The following PGM2L1 variants were observed in gnomAD, a reference collection of about 807,000 sequenced individuals.
The protein encoded by PGM2L1 is phosphoglucomutase 2 like 1.
PGM2L1 carries 35 observed loss-of-function variants against 73.4 expected under a neutral mutation model. The observed-to-expected ratio is 0.48, with a 90% CI of 0.36 to 0.63. The LOEUF (loss-of-function observed/expected upper bound fraction) is 0.63. PGM2L1 is among the 30% of genes least tolerant of loss of function. The pLI is 0.00. For synonymous variants in PGM2L1, 225 were observed against 253.8 expected (o/e 0.89, Z 1.08); for missense variants, 570 against 742.0 (o/e 0.77, Z 2.69).
chr11:74,387,033 CAG>C (rs745332572), intron 1 of PGM2L1, among the ~76,000 whole-genome samples: 1 of 152,130 alleles, frequency 6.6e-6, no homozygotes, highest in Non-Finnish European at 1.5e-5. Flanking sequence ...AAAAAGAAGA[CAG>C]AGATCAATTT....
rs1009397557 is a variant in PGM2L1 at position 74,398,342 on chromosome 11, T to C, written c.-181A>G. ...CGTCAGGGAACCGGGAGAGAGGGGG[T>C]TTATGGCCGCCTGCTCCCCAGCGGA... On this transcript the variant is annotated 5_prime_UTR_variant, in exon 1 of 14. Coordinates refer to ENST00000298198, the MANE Select transcript of PGM2L1 (RefSeq NM_173582.6). 3.7e-5 allele frequency: 35 copies of C among 943,334 alleles called. No homozygotes were observed. Among genetic ancestry groups the C allele is most frequent in the Middle Eastern group, 7.3e-4 (2 of 2,742 alleles). 58.4% of individuals were successfully genotyped at this position (943,334 alleles called of 1,614,324 possible). A position where few individuals can be genotyped will look rare whatever the true frequency, so the allele number is the denominator to read the frequency against.
intron 5 of PGM2L1, among the ~76,000 whole-genome samples, chr11:74,364,538 G>A (rs1862622274): frequency 6.6e-6 from 1 of 152,066 alleles, no homozygotes; most frequent in South Asian, 2.1e-4. Context: ...AAATCAATGT[G>A]GAAAAATCAC....
At position 74,333,546 on chromosome 11, in the gene PGM2L1, C is replaced by T. The variant is rs1178731385; in HGVS notation, c.*3106G>A. The stretch of plus-strand genomic sequence containing the variant: ...GAGTTCTCACATGATTCTGATACAA[C>T]ATCCTAGCAGGAACTGAATCCGTAA... On this transcript the variant is annotated 3_prime_UTR_variant, in exon 14 of 14. Transcript: ENST00000298198. 1 of 152,172 alleles carries T rather than the reference C, an allele frequency of 6.6e-6. No homozygotes were observed. Among genetic ancestry groups the T allele is most frequent in the Admixed American group, 6.5e-5 (1 of 15,282 alleles). The allele number at this position is 152,172 out of a possible 1,614,324, so 9.4% of individuals were successfully genotyped here. A position where few individuals can be genotyped will look rare whatever the true frequency, so the allele number is the denominator to read the frequency against.
Position 74,343,354 on chromosome 11 carries a change from T to C in PGM2L1, c.1281A>G (p.Lys427=). ...ACTCTTCAAATGCAAAAAGGACTTC[T>C]TTCCCATTTTCCAGGAGGTCTATTA... ...SRIIDLLENG[K]EVLFAFEESI... The change falls in exon 10 of 14, where the codon AAA becomes AAG. Residue 427 remains lysine (K), a synonymous_variant. Coordinates refer to ENST00000298198, the MANE Select transcript of PGM2L1 (RefSeq NM_173582.6). 1 of 1,609,186 alleles carries C rather than the reference T, an allele frequency of 6.2e-7. No homozygotes were observed. Among genetic ancestry groups the C allele is most frequent in the Non-Finnish European group, 8.5e-7 (1 of 1,178,756 alleles).
chr11:74,368,523 G>C lies in PGM2L1; in HGVS notation c.524C>G (p.Ser175Cys), dbSNP rs1189320872. The stretch of plus-strand genomic sequence containing the variant: ...TCCATTGTCTTCCTTGCGGTTGTGA[G>C]AGGCAGTAATCATCACACCTGCAAC... ...KAVAGVMITA[S>C]HNRKEDNGYK... Residue 175 changes from serine to cysteine, a missense_variant, in exon 5 of 14, where the codon TCT (serine) becomes TGT (cysteine). Coordinates refer to ENST00000298198, the MANE Select transcript of PGM2L1 (RefSeq NM_173582.6). 1 of 1,613,822 alleles carries C rather than the reference G, an allele frequency of 6.2e-7. No individual in the cohort carries two copies. The highest frequency in any genetic ancestry group is 8.5e-7 in the Non-Finnish European group (1 of 1,179,756).
intron 10 of PGM2L1, 152 bp from the exon 11 acceptor site, chr11:74,343,166 T>C (rs1862208983): frequency 2.8e-6 from 3 of 1,063,996 alleles, no homozygotes; most frequent in Non-Finnish European, 3.8e-6. Context: ...ACTTTCGTTC[T>C]TTTTTTTTTC....
At chr11:74,364,403 T>C (rs1196895420) in intron 5 of PGM2L1, among the ~76,000 whole-genome samples, 2 of 152,166 alleles carry the variant, frequency 1.3e-5, no homozygotes, top group Admixed American at 1.3e-4. Context: ...GGTATTCAGT[T>C]AGGAAAAGAA....
chr11:74,392,452 G>C (rs1269956097), intron 1 of PGM2L1, among the ~76,000 whole-genome samples: 1 of 150,998 alleles, frequency 6.6e-6, no homozygotes, highest in Admixed American at 6.6e-5. Flanking sequence ...GGAGACCAAA[G>C]CAACTGTTCA....
In PGM2L1 at chr11:74,355,427, G is replaced by A. The variant is rs183346345; in HGVS notation, c.556-3851C>T. ...AAATTAGCCGGGCGTGGTAGCGGTC[G>A]CCTGTAGTCCCAGCTACTCGGGAGG... On this transcript the variant is annotated intron_variant, in intron 5 of 13. Transcript: ENST00000298198. The A allele has an allele frequency of 4.5e-3, 2,005 of 450,426 alleles. 29 individuals carry two copies. Among genetic ancestry groups the A allele is most frequent in the African/African-American group, 0.031 (1,525 of 49,300 alleles). The allele number at this position is 450,426 out of a possible 1,614,324, so 27.9% of individuals were successfully genotyped here.
intron 13 of PGM2L1, among the ~76,000 whole-genome samples, chr11:74,337,813 T>A (rs1591162595): frequency 6.6e-6 from 1 of 152,176 alleles, no homozygotes; most frequent in East Asian, 1.9e-4. Flanking sequence ...AATTCCCAAA[T>A]GATGTAGCTG....
At chr11:74,347,688 C>T (rs1862289323) in intron 6 of PGM2L1, among the ~76,000 whole-genome samples, 3 of 152,172 alleles carry the variant, frequency 2.0e-5, no homozygotes, top group African/African-American at 4.8e-5. Flanking sequence ...GTAGACCCCT[C>T]GTTTCTTCAC....
intron 4 of PGM2L1, 37 bp from the exon 5 acceptor site, chr11:74,368,612 C>T (rs1365127949): frequency 6.5e-7 from 1 of 1,539,238 alleles, no homozygotes; most frequent in Non-Finnish European, 9.0e-7. Flanking sequence ...CATTTTGCTT[C>T]CTAGCTATTT....
chr11:74,383,245 A>G (rs1316728941), intron 1 of PGM2L1, among the ~76,000 whole-genome samples: 3 of 152,186 alleles, frequency 2.0e-5, no homozygotes, highest in Admixed American at 2.0e-4. Flanking sequence ...GAATTTTAAT[A>G]TGCAAAAACA....
rs187998688 is a variant in PGM2L1 at position 74,341,458 on chromosome 11, G to A, written c.1632+1003C>T. On this transcript the variant is annotated intron_variant, in intron 12 of 13. Transcript: ENST00000298198. The stretch of plus-strand genomic sequence containing the variant: ...TGTAATCCTAGCATTTTGGGAGGCC[G>A]AGGTGGGCAGATCACTTGGGGTCAG... 5.9e-5 allele frequency among the ~76,000 whole-genome samples: 9 copies of A among 152,240 alleles called. No homozygotes were observed. The South Asian group carries it at 1.0e-3, about 18-fold the overall frequency.
intron 1 of PGM2L1, among the ~76,000 whole-genome samples, chr11:74,395,839 C>G (rs1186836414): frequency 6.6e-6 from 1 of 152,060 alleles, no homozygotes; most frequent in Non-Finnish European, 1.5e-5. Context: ...CAAAACTACC[C>G]TAGCATTATT....
chr11:74,351,734 G>C (rs968711469), intron 5 of PGM2L1, among the ~76,000 whole-genome samples, 158 bp from the exon 6 acceptor site: 3 of 151,944 alleles, frequency 2.0e-5, no homozygotes, highest in Non-Finnish European at 2.9e-5. Context: ...AGGCTGAGGC[G>C]GGCAGATCAC....
chr11:74,371,225 C>G (rs1862747967), intron 3 of PGM2L1, among the ~76,000 whole-genome samples: 1 of 151,850 alleles, frequency 6.6e-6, no homozygotes, highest in Admixed American at 6.6e-5. Flanking sequence ...CCTCTTTTTC[C>G]CTCATTCATC....
intron 1 of PGM2L1, among the ~76,000 whole-genome samples, chr11:74,386,156 CTT>C (rs1341640152): frequency 2.6e-5 from 4 of 151,964 alleles, no homozygotes; most frequent in Admixed American, 6.6e-5. Flanking sequence ...ACATCAAAGA[CTT>C]ATTTCTTTGG....
chr11:74,355,478 C>T (rs1460662991), intron 5 of PGM2L1: 6 of 377,342 alleles, frequency 1.6e-5, no homozygotes, highest in Non-Finnish European at 3.0e-5. Flanking sequence ...GGCGTGAACC[C>T]GGGAGGCGGA....
Sources: allele counts gnomAD v4.1 joint callset (sites outside exome capture counted in the v4.1 genomes callset), GRCh38; gene constraint gnomAD v4.1.1; transcripts MANE v1.5; gene names NCBI Gene and HGNC (gene_info 2026-07-23, HGNC 2026-07-21).